The following EDAR variants were observed in gnomAD, a reference collection of about 807,000 sequenced individuals.
The protein encoded by EDAR is ectodysplasin A receptor, also known as tumor necrosis factor receptor superfamily member EDAR.
A neutral mutation model predicts 51.3 loss-of-function variants in EDAR; 38 were observed. The ratio of observed to expected loss-of-function variants is 0.74; its 90% CI spans 0.57 to 0.97. The LOEUF is 0.97. EDAR is among the 50% of genes least tolerant of loss of function. The pLI, the probability that EDAR is intolerant of heterozygous loss-of-function variation, is 0.00. For synonymous variants in EDAR, 227 were observed against 242.1 expected (o/e 0.94, Z 0.58); for missense variants, 528 against 595.0 (o/e 0.89, Z 1.17).
intron 5 of EDAR, among the ~76,000 whole-genome samples, chr2:108,923,092 G>A (rs74921428): frequency 6.6e-6 from 1 of 152,144 alleles, no homozygotes. Flanking sequence ...CCATATTACC[G>A]ATGAGAAAAC....
chr2:108,933,382 C>T (rs1254885901), intron 1 of EDAR, among the ~76,000 whole-genome samples: 1 of 152,118 alleles, frequency 6.6e-6, no homozygotes, highest in Non-Finnish European at 1.5e-5. Context: ...AAGCGTGTGT[C>T]CCTGGCTGCT....
rs1013464727 is a variant in EDAR, at chr2:108,896,130, T to C, written c.*777A>G. 1 of 152,224 alleles carries C rather than the reference T, an allele frequency of 6.6e-6. No homozygotes were observed. The highest frequency in any genetic ancestry group is 1.5e-5 in the Non-Finnish European group (1 of 68,054). The allele number at this position is 152,224 out of a possible 1,614,324, so 9.4% of individuals were successfully genotyped here. A position where few individuals can be genotyped will look rare whatever the true frequency, so the allele number is the denominator to read the frequency against. On this transcript the variant is annotated 3_prime_UTR_variant, in exon 12 of 12. Coordinates refer to ENST00000258443, the MANE Select transcript of EDAR (RefSeq NM_022336.4). Reference sequence around the variant, plus strand: ...CCAAAGAGTAATGCAGTAAATGAAATTGGCTACTGCACACATCCAATTGCT... The same window carrying C: ...CCAAAGAGTAATGCAGTAAATGAAACTGGCTACTGCACACATCCAATTGCT...
At chr2:108,899,866 A>G (rs1445823578) in intron 11 of EDAR, among the ~76,000 whole-genome samples, 1 of 152,068 alleles carries the variant, frequency 6.6e-6, no homozygotes, top group East Asian at 1.9e-4. Flanking sequence ...CACACCTGTA[A>G]TCCCAGCTAC....
chr2:108,918,366 T>A lies in EDAR; in HGVS notation c.442+5002A>T, dbSNP rs567490151. ...TCACCCCGGTCCACTGTGTGCTGTG[T>A]GTTTCGGTTCATCTGCCTCTTGGGA... On this transcript the variant is annotated intron_variant, in intron 5 of 11. Coordinates refer to ENST00000258443, the MANE Select transcript of EDAR (RefSeq NM_022336.4). Among the ~76,000 whole-genome samples the A allele has an allele frequency of 7.2e-5, 11 of 152,338 alleles. No individual in the cohort carries two copies. The East Asian group carries it at 2.1e-3, about 29-fold the overall frequency.
intron 11 of EDAR, among the ~76,000 whole-genome samples, chr2:108,901,720 C>T (rs1281873233): frequency 6.6e-6 from 1 of 152,128 alleles, no homozygotes; most frequent in African/African-American, 2.4e-5. Flanking sequence ...TAAACAATTC[C>T]TCAAAAAACA....
At chr2:108,960,536 C>G (rs1287341908) in intron 1 of EDAR, among the ~76,000 whole-genome samples, 1 of 152,194 alleles carries the variant, frequency 6.6e-6, no homozygotes, top group Non-Finnish European at 1.5e-5. Context: ...TCTGCTGCCC[C>G]GTCAGCCAGC....
chr2:108,902,930 G>C (rs992254079), intron 11 of EDAR, among the ~76,000 whole-genome samples: 2 of 152,074 alleles, frequency 1.3e-5, no homozygotes, highest in Non-Finnish European at 2.9e-5. Context: ...GGAAAGAAAC[G>C]GTACACAGAT....
At chr2:108,965,245 AG>A (rs1382244316) in intron 1 of EDAR, among the ~76,000 whole-genome samples, 9 of 152,130 alleles carry the variant, frequency 5.9e-5, no homozygotes, top group African/African-American at 2.2e-4. Context: ...TGGGAGGCCG[AG>A]GCAGGCGGAT....
intron 8 of EDAR, 89 bp from the exon 9 acceptor site, chr2:108,910,621 A>G (rs1430167697): frequency 1.4e-6 from 2 of 1,400,136 alleles, no homozygotes; most frequent in African/African-American, 2.8e-5. Context: ...CCTGTTGGGC[A>G]GAGCTGCCCG....
chr2:108,931,083 G>C, intron 1 of EDAR, 51 bp from the exon 2 acceptor site: 1 of 1,513,712 alleles, frequency 6.6e-7, no homozygotes. Flanking sequence ...CCCCAGCCGG[G>C]GGTCTGGCTA....
At chr2:108,948,239 C>T (rs1466713618) in intron 1 of EDAR, among the ~76,000 whole-genome samples, 1 of 152,216 alleles carries the variant, frequency 6.6e-6, no homozygotes, top group African/African-American at 2.4e-5. Flanking sequence ...ACCACCTAAG[C>T]CTGGACTTCA....
intron 1 of EDAR, among the ~76,000 whole-genome samples, chr2:108,951,714 T>C (rs1438122273): frequency 1.3e-5 from 2 of 152,124 alleles, no homozygotes; most frequent in African/African-American, 4.8e-5. Flanking sequence ...TAGATCATTC[T>C]AAAGGTTCTT....
chr2:108,967,806 G>A (rs1489806819), intron 1 of EDAR, among the ~76,000 whole-genome samples: 1 of 152,102 alleles, frequency 6.6e-6, no homozygotes, highest in Non-Finnish European at 1.5e-5. Flanking sequence ...TTTTTAAAAG[G>A]AAAGTAAGAA....
At chr2:108,930,721 A>G (rs768325361) in intron 2 of EDAR, among the ~76,000 whole-genome samples, 1 of 152,144 alleles carries the variant, frequency 6.6e-6, no homozygotes, top group Non-Finnish European at 1.5e-5. Flanking sequence ...CACCACAAAC[A>G]AGCAATCAAG....
intron 1 of EDAR, among the ~76,000 whole-genome samples, chr2:108,965,458 T>A: frequency 1.2e-5 from 1 of 81,656 alleles, no homozygotes. Flanking sequence ...GAGCGAGATT[T>A]CGTCTCAAAA....
At chr2:108,929,418 A>C (rs1193672700) in intron 3 of EDAR, 39 bp from the exon 4 acceptor site, 1 of 1,607,044 alleles carries the variant, frequency 6.2e-7, no homozygotes, top group South Asian at 1.1e-5. Flanking sequence ...AGGTGAGTGC[A>C]GCAGCCAAAC....
chr2:108,907,783 C>T (rs773452302), intron 10 of EDAR, 77 bp downstream of exon 10: 2 of 1,561,134 alleles, frequency 1.3e-6, no homozygotes, highest in South Asian at 1.1e-5. Flanking sequence ...AGAGCTGATT[C>T]AATAAGAAAG....
chr2:108,962,674 CAAAA>C (rs66741499), intron 1 of EDAR, among the ~76,000 whole-genome samples: 15 of 66,862 alleles, frequency 2.2e-4, no homozygotes, highest in Admixed American at 1.3e-3. Flanking sequence ...GACTCTGTCT[CAAAA>C]AAAAAAAAAA....
chr2:108,946,625 C>A (rs1403379481), intron 1 of EDAR, among the ~76,000 whole-genome samples: 1 of 152,176 alleles, frequency 6.6e-6, no homozygotes, highest in African/African-American at 2.4e-5. Context: ...AACTTACAGT[C>A]ATAGCAGAAG....
Sources: allele counts gnomAD v4.1 joint callset (sites outside exome capture counted in the v4.1 genomes callset), GRCh38; gene constraint gnomAD v4.1.1; transcripts MANE v1.5; gene names NCBI Gene and HGNC (gene_info 2026-07-23, HGNC 2026-07-21).